The following CCDC125 variants were observed in gnomAD, a reference collection of about 807,000 sequenced individuals.
CCDC125 encodes the protein coiled-coil domain-containing protein 125.
A neutral mutation model predicts 57.4 loss-of-function variants in CCDC125; 43 were observed. The observed-to-expected ratio is 0.75, with a 90% confidence interval of 0.59 to 0.97. The LOEUF is 0.97. CCDC125 is among the 50% of genes least tolerant of loss of function. CCDC125 has a pLI of 0.00. For missense variants in CCDC125, 563 were observed against 595.7 expected (o/e 0.95, Z 0.57); for synonymous variants, 187 against 195.2 (o/e 0.96, Z 0.35).
At chr5:69,318,025 A>G (rs1346024387) in intron 2 of CCDC125, among the ~76,000 whole-genome samples, 2 of 122,014 alleles carry the variant, frequency 1.6e-5, no homozygotes, top group African/African-American at 6.3e-5. Context: ...CTCTGTCGCC[A>G]GGCTGGAGCG....
At chr5:69,305,514 G>A (rs1023762970) in intron 6 of CCDC125, among the ~76,000 whole-genome samples, 3 of 152,110 alleles carry the variant, frequency 2.0e-5, no homozygotes, top group African/African-American at 4.8e-5. Context: ...CCAGAGGATC[G>A]TGACCAACTT....
At chr5:69,278,347 A>G (rs1324305574), downstream of CCDC125, among the ~76,000 whole-genome samples, 2 of 150,070 alleles carry the variant, frequency 1.3e-5, no homozygotes, top group Admixed American at 1.3e-4. Flanking sequence ...CTGGGGTTAC[A>G]GGTATGTGCC....
rs1758061384 is a variant in CCDC125, at chr5:69,311,131, A to G, written c.440T>C (p.Ile147Thr). The G allele has an allele frequency of 6.2e-7, 1 of 1,605,754 alleles. No homozygotes were observed. Among genetic ancestry groups the G allele is most frequent in the Non-Finnish European group, 8.5e-7 (1 of 1,174,414 alleles). The change falls in exon 4 of 12, where the codon ATT becomes ACT. Residue 147 changes from isoleucine (I) to threonine (T), a missense_variant. Ile to Thr is a moderately conservative substitution (Grantham distance 89). Coordinates refer to ENST00000396496, the MANE Select transcript of CCDC125 (RefSeq NM_176816.5). ...QLRGKEEALK[I>T]LQSMAILGKA... ...ACAACTTCTTACCATGCTTTGAAGA[A>G]TTTTCAATGCTTCCTCTTTACCTCT...
the CCDC125 span, among the ~76,000 whole-genome samples, chr5:69,274,309 A>G: frequency 2.6e-5 from 4 of 152,194 alleles, no homozygotes; most frequent in African/African-American, 4.8e-5. Context: ...ATTTGCATAT[A>G]GAACTGCTGT....
At position 69,313,889 on chromosome 5, in the gene CCDC125, A is replaced by C. The variant is rs1385648635; in HGVS notation, c.366+96T>G. 15 of 947,426 alleles carry C rather than the reference A, an allele frequency of 1.6e-5. 1 individual carries two copies. The Admixed American group carries it at 2.6e-4, about 17-fold the overall frequency. The allele number at this position is 947,426 out of a possible 1,614,324, so 58.7% of individuals were successfully genotyped here. A position where few individuals can be genotyped will look rare whatever the true frequency, so the allele number is the denominator to read the frequency against. ...AGAGGCCATGTTTCCAGAAGCAAAAAGGAGAGGGCATGGAGAGCTGCAGAA... is the reference window on the plus strand; with the variant it reads ...AGAGGCCATGTTTCCAGAAGCAAAACGGAGAGGGCATGGAGAGCTGCAGAA... On this transcript the variant is annotated intron_variant, in intron 3 of 11. Coordinates refer to ENST00000396496, the MANE Select transcript of CCDC125 (RefSeq NM_176816.5).
the CCDC125 span, among the ~76,000 whole-genome samples, chr5:69,273,514 G>A: frequency 2.6e-5 from 4 of 152,162 alleles, no homozygotes; most frequent in South Asian, 2.1e-4. Flanking sequence ...TGGTAATGGG[G>A]AGGAAATGGT....
intron 6 of CCDC125, among the ~76,000 whole-genome samples, chr5:69,305,858 T>C (rs897854569): frequency 6.6e-6 from 1 of 152,218 alleles, no homozygotes; most frequent in Non-Finnish European, 1.5e-5. Flanking sequence ...CTCTTTTGTC[T>C]TTATTTTTAT....
At chr5:69,277,154 T>A, downstream of CCDC125, 1 of 1,580,782 alleles carries the variant, frequency 6.3e-7, no homozygotes, top group Non-Finnish European at 8.6e-7. Context: ...CTGGACAACA[T>A]TTTACTACTG....
intron 1 of CCDC125, among the ~76,000 whole-genome samples, chr5:69,331,860 C>T (rs1761464100): frequency 6.6e-6 from 1 of 152,222 alleles, no homozygotes; most frequent in South Asian, 2.1e-4. Context: ...TCTGAGTCTT[C>T]CCAGTTCTGG....
intron 5 of CCDC125, 49 bp downstream of exon 5, chr5:69,307,901 AT>A: frequency 7.1e-7 from 1 of 1,415,972 alleles, no homozygotes. Context: ...GGGAAATTAT[AT>A]TTAACAGCTT....
intron 1 of CCDC125, among the ~76,000 whole-genome samples, chr5:69,325,098 C>A (rs767603848): frequency 4.5e-4 from 69 of 152,098 alleles, no homozygotes; most frequent in African/African-American, 8.0e-4. Context: ...CCAAGGTGGG[C>A]GGATCACGTG....
chr5:69,308,921 C>G (rs1229753396), intron 4 of CCDC125: 1 of 154,780 alleles, frequency 6.5e-6, no homozygotes, highest in Non-Finnish European at 1.4e-5. Flanking sequence ...GTAAAGGTGA[C>G]TCTTGTTATG....
intron 4 of CCDC125, chr5:69,310,872 T>C (rs2150512560): frequency 9.3e-6 from 2 of 215,744 alleles, no homozygotes; most frequent in East Asian, 2.1e-4. Context: ...TTTTCTGGTG[T>C]TGGAAATATT....
At chr5:69,292,087 T>G in intron 10 of CCDC125, 101 bp downstream of exon 10, 1 of 1,065,338 alleles carries the variant, frequency 9.4e-7, no homozygotes, top group Non-Finnish European at 1.3e-6. Context: ...GAAGTTTCAA[T>G]TATTTTTGCC....
At chr5:69,321,726 T>C (rs1376821265) in intron 1 of CCDC125, among the ~76,000 whole-genome samples, 2 of 152,198 alleles carry the variant, frequency 1.3e-5, no homozygotes, top group Non-Finnish European at 2.9e-5. Context: ...TAAAGCTGAA[T>C]TTTTCAGGGA....
At chr5:69,328,786 T>A (rs1761042083) in intron 1 of CCDC125, among the ~76,000 whole-genome samples, 1 of 151,992 alleles carries the variant, frequency 6.6e-6, no homozygotes, top group Middle Eastern at 3.4e-3. Flanking sequence ...CTTCATACTT[T>A]ATACGTTTGA....
At chr5:69,297,842 A>G (rs184305100) in intron 8 of CCDC125, among the ~76,000 whole-genome samples, 37 of 150,834 alleles carry the variant, frequency 2.5e-4, no homozygotes, top group Admixed American at 5.9e-4. Context: ...AATGGTGTGC[A>G]CCCGTAGTCC....
rs143776520 is a variant in CCDC125 at position 69,321,616 on chromosome 5, T to C, written c.-40-1036A>G. Among the ~76,000 whole-genome samples, 447 of 152,236 alleles carry C rather than the reference T, an allele frequency of 2.9e-3. 1 individual carries two copies. The Middle Eastern group carries it at 0.031, about 10-fold the overall frequency. On this transcript the variant is annotated intron_variant, in intron 1 of 11. Coordinates refer to ENST00000396496, the MANE Select transcript of CCDC125 (RefSeq NM_176816.5). The stretch of plus-strand genomic sequence containing the variant: ...TTGTGTATGTAAACATACCTAAACA[T>C]AGAAAAGGAACAGTAAAAATACAAT...
downstream of CCDC125, chr5:69,276,471 T>G: frequency 1.5e-6 from 2 of 1,378,140 alleles, no homozygotes; most frequent in Non-Finnish European, 1.0e-6. Flanking sequence ...CCTATAATCT[T>G]GAAGGTAAGA....
Sources: gnomAD v4.1 joint callset for allele counts (sites outside exome capture counted in the v4.1 genomes callset) on GRCh38, gnomAD v4.1.1 for gene constraint, MANE v1.5 for transcripts, NCBI Gene and HGNC (gene_info 2026-07-23, HGNC 2026-07-21) for gene names.